Variants in ASCC3 observed in about 807,000 individuals in gnomAD.
The protein encoded by ASCC3 is ASC-1 complex subunit P200.
Under a neutral mutation model 256.3 loss-of-function variants are expected in ASCC3, and 158 were observed. That is an observed-to-expected ratio of 0.62 (90% confidence interval 0.54 to 0.70). ASCC3 has a LOEUF of 0.70. ASCC3 is among the 30% of genes least tolerant of loss of function. The pLI is 0.00. For missense variants in ASCC3, 2,259 were observed against 2,626.0 expected (o/e 0.86, Z 3.05); for synonymous variants, 948 against 883.4 (o/e 1.07, Z -1.30).
chr6:100,804,123 C>T lies in ASCC3; in HGVS notation c.922+1637G>A, dbSNP rs559153822. On this transcript the variant is annotated intron_variant, in intron 5 of 41. Transcript: ENST00000369162. Reference sequence around the variant, plus strand: ...TGTAATACATGACACTATCAGTGTTCAATTTGCTCAGTGTGATAATTGTAT... The same window carrying T: ...TGTAATACATGACACTATCAGTGTTTAATTTGCTCAGTGTGATAATTGTAT... Among the ~76,000 whole-genome samples, 157 of 152,194 alleles carry T rather than the reference C, an allele frequency of 1.0e-3. 4 individuals carry two copies. In the South Asian group the frequency reaches 0.032, roughly 31 times the overall value.
Position 100,565,393 on chromosome 6 carries a change from C to A in ASCC3, c.5550+24241G>T, listed in dbSNP as rs141416548. Among the ~76,000 whole-genome samples, 56 of 152,108 alleles carry A rather than the reference C, an allele frequency of 3.7e-4. 2 individuals are homozygous for A. The East Asian group carries it at 0.011, about 29-fold the overall frequency. Reference sequence around the variant, plus strand: ...AGCGTCTTAGTGAAGGAGTAATGACCCAGCCATAATCAGTATTACTAATAA... The same window carrying A: ...AGCGTCTTAGTGAAGGAGTAATGACACAGCCATAATCAGTATTACTAATAA... On this transcript the variant is annotated intron_variant, in intron 36 of 41. Transcript: ENST00000369162.
chr6:100,640,492 T>C (rs1377840211), intron 24 of ASCC3, among the ~76,000 whole-genome samples: 1 of 152,204 alleles, frequency 6.6e-6, no homozygotes, highest in Non-Finnish European at 1.5e-5. Context: ...TCTTGGTCAT[T>C]TGGCAGACAA....
Position 100,642,685 on chromosome 6 carries a change from T to G in ASCC3, c.3797A>C (p.Gln1266Pro). The G allele has an allele frequency of 6.2e-7, 1 of 1,613,932 alleles. No individual in the cohort carries two copies. Among genetic ancestry groups the G allele is most frequent in the Non-Finnish European group, 8.5e-7 (1 of 1,179,872 alleles). The stretch of plus-strand genomic sequence containing the variant: ...ATCAGACACTGCTCGGATGTAGTAT[T>G]GGGAAGGCAAAGGCTCAAAAATAGG... ...TIPIFEPLPS[Q>P]YYIRAVSDRW... The change falls in exon 24 of 42, where the codon CAA becomes CCA. Residue 1266 changes from glutamine to proline, a missense_variant. Transcript: ENST00000369162.
rs1022038987 is a variant in ASCC3 at position 100,663,116 on chromosome 6, G to A, written c.2287-580C>T. 7.0e-4 allele frequency among the ~76,000 whole-genome samples: 106 copies of A among 151,932 alleles called. 1 individual carries two copies. The highest frequency in any genetic ancestry group is 1.2e-3 in the Admixed American group (19 of 15,204). On this transcript the variant is annotated intron_variant, in intron 14 of 41. Transcript: ENST00000369162. Reference sequence around the variant, plus strand: ...CTTCCCCTATGATATTCCTCATTGCGATAAGTCAATAAACCCAGCTTTGTT... The same window carrying A: ...CTTCCCCTATGATATTCCTCATTGCAATAAGTCAATAAACCCAGCTTTGTT...
At chr6:100,598,737 C>A (rs1183323650) in intron 34 of ASCC3, among the ~76,000 whole-genome samples, 1 of 152,164 alleles carries the variant, frequency 6.6e-6, no homozygotes, top group Non-Finnish European at 1.5e-5. Flanking sequence ...AAACACTGGA[C>A]AATTTCCTAC....
intron 34 of ASCC3, among the ~76,000 whole-genome samples, chr6:100,598,481 C>T (rs989192384): frequency 9.2e-6 from 1 of 109,042 alleles, no homozygotes; most frequent in Non-Finnish European, 2.0e-5. Context: ...AATTAATAAA[C>T]CTCTTAAGAT....
chr6:100,810,867 A>G (rs1403529271), intron 4 of ASCC3, among the ~76,000 whole-genome samples: 2 of 152,186 alleles, frequency 1.3e-5, no homozygotes, highest in Non-Finnish European at 2.9e-5. Context: ...TAAGATTCCT[A>G]AAAAGCTGAT....
rs768602808 is a variant in ASCC3 at position 100,628,076 on chromosome 6, C to T, written c.4376-89G>A. 1.0e-5 allele frequency: 13 copies of T among 1,285,080 alleles called. No homozygotes were observed. Among genetic ancestry groups the T allele is most frequent in the South Asian group, 1.3e-5 (1 of 75,154 alleles). The allele number at this position is 1,285,080 out of a possible 1,614,324, so 79.6% of individuals were successfully genotyped here. ...CACAAAAGGAAGAGTTTGTAGCTTC[C>T]TCAAAAAACAAAAACAAAAAAAAAA... is the stretch of plus-strand genomic sequence containing the variant. On this transcript the variant is annotated intron_variant, in intron 27 of 41. Transcript: ENST00000369162.
chr6:100,513,523 C>T (rs978135743), intron 39 of ASCC3, among the ~76,000 whole-genome samples: 6 of 152,062 alleles, frequency 3.9e-5, no homozygotes, highest in Admixed American at 3.3e-4. Flanking sequence ...CCACTGACCA[C>T]TTATTGTACA....
rs1336823930 is a variant in ASCC3 at position 100,642,729 on chromosome 6, T to C, written c.3753A>G (p.Gln1251=). The change falls in exon 24 of 42, where the codon CAA becomes CAG. Residue 1251 remains glutamine, a synonymous_variant. Coordinates refer to ENST00000369162, the MANE Select transcript of ASCC3 (RefSeq NM_006828.4). ...LKKQVISKEA[Q]LLVFTIPIFE... ...AAATAGGGATTGTAAATACCAGTAG[T>C]TGGGCTTCTTTACTAATGACCTAAT... The C allele has an allele frequency of 3.7e-6, 6 of 1,613,404 alleles. No individual in the cohort carries two copies. The highest frequency in any genetic ancestry group is 5.1e-6 in the Non-Finnish European group (6 of 1,179,554).
At chr6:100,874,187 G>A (rs1773877810) in intron 1 of ASCC3, among the ~76,000 whole-genome samples, 1 of 152,100 alleles carries the variant, frequency 6.6e-6, no homozygotes. Flanking sequence ...TGCATTTTAG[G>A]CTGGGCGCGG....
At chr6:100,735,596 G>A (rs1309452688) in intron 10 of ASCC3, among the ~76,000 whole-genome samples, 3 of 151,900 alleles carry the variant, frequency 2.0e-5, no homozygotes, top group African/African-American at 7.3e-5. Context: ...TGGTAAATTT[G>A]GCAATGTTTA....
intron 37 of ASCC3, chr6:100,530,258 G>A: frequency 9.7e-7 from 1 of 1,031,456 alleles, no homozygotes; most frequent in South Asian, 1.3e-5. Flanking sequence ...GGAGGGGAGA[G>A]GCCTGGAGGA....
At position 100,718,479 on chromosome 6, in the gene ASCC3, G is replaced by A. The variant is rs145813715; in HGVS notation, c.1903-228C>T. Reference sequence around the variant, plus strand: ...CTATAATTAAAAATACACATGAGGGGTGAGTGTGTTGGCTCACACCTGTAA... The same window carrying A: ...CTATAATTAAAAATACACATGAGGGATGAGTGTGTTGGCTCACACCTGTAA... On this transcript the variant is annotated intron_variant, in intron 11 of 41. Transcript: ENST00000369162. Among the ~76,000 whole-genome samples, 955 of 151,946 alleles carry A rather than the reference G, an allele frequency of 6.3e-3. 7 individuals carry two copies. The highest frequency in any genetic ancestry group is 8.1e-3 in the Non-Finnish European group (552 of 67,936).
intron 3 of ASCC3, among the ~76,000 whole-genome samples, chr6:100,860,429 G>A (rs1407510817): frequency 6.6e-6 from 1 of 151,786 alleles, no homozygotes; most frequent in Non-Finnish European, 1.5e-5. Flanking sequence ...TAAATTGTGG[G>A]GTTGGGGGTG....
chr6:100,742,299 G>T (rs72942985), intron 10 of ASCC3, among the ~76,000 whole-genome samples: 7,292 of 152,248 alleles, frequency 0.048, 203 homozygotes, highest in African/African-American at 0.059. Context: ...GTGCCTGAAG[G>T]AGGTGGCTGA....
intron 13 of ASCC3, among the ~76,000 whole-genome samples, chr6:100,714,790 A>G (rs946982247): frequency 2.6e-5 from 4 of 152,108 alleles, no homozygotes; most frequent in African/African-American, 7.2e-5. Flanking sequence ...AAGAATGCTC[A>G]GTGTTCCAAT....
At chr6:100,870,378 AT>A (rs930925024) in intron 1 of ASCC3, among the ~76,000 whole-genome samples, 6 of 143,818 alleles carry the variant, frequency 4.2e-5, no homozygotes, top group African/African-American at 1.5e-4. Flanking sequence ...AAAAAAAAAA[AT>A]TAGGTTTGGC....
chr6:100,592,313 G>A (rs1299230178), intron 34 of ASCC3, among the ~76,000 whole-genome samples: 2 of 151,122 alleles, frequency 1.3e-5, no homozygotes, highest in Non-Finnish European at 3.0e-5. Context: ...TTTTCTAAAT[G>A]TGGTCACCAA....
Sources: gnomAD v4.1 joint callset for allele counts (sites outside exome capture counted in the v4.1 genomes callset) on GRCh38, gnomAD v4.1.1 for gene constraint, MANE v1.5 for transcripts, NCBI Gene and HGNC (gene_info 2026-07-23, HGNC 2026-07-21) for gene names.